Variants in KCNK10 observed in about 807,000 individuals in gnomAD.
KCNK10 encodes the protein potassium channel subfamily K member 10.
Under a neutral mutation model 47.7 loss-of-function variants are expected in KCNK10, and 25 were observed. The observed-to-expected ratio is 0.52, with a 90% CI of 0.38 to 0.73. The LOEUF (loss-of-function observed/expected upper bound fraction) is 0.73, where lower values mean the gene tolerates loss of function less well. KCNK10 is among the 30% of genes least tolerant of loss of function. The probability of loss-of-function intolerance (pLI) is 0.00; values close to 1 mark genes in which losing one functional copy is unlikely to be tolerated. For synonymous variants in KCNK10, 303 were observed against 285.6 expected, an observed-to-expected ratio of 1.06 and a Z score of -0.61; for missense variants, 563 against 714.5, an observed-to-expected ratio of 0.79 and a Z score of 2.42.
At chr14:88,269,735 C>T (rs1169166659) in intron 1 of KCNK10, among the ~76,000 whole-genome samples, 5 of 152,152 alleles carry the variant, frequency 3.3e-5, no homozygotes, top group African/African-American at 1.2e-4. Flanking sequence ...CTGCACCCAG[C>T]CAGTGAACCT....
At position 88,185,730 on chromosome 14, in the gene KCNK10, C is replaced by T. The variant is rs1320227304; in HGVS notation, c.1437G>A (p.Lys479=). 6.2e-7 allele frequency: 1 copy of T among 1,614,016 alleles called. No homozygotes were observed. The highest frequency in any genetic ancestry group is 8.5e-7 in the Non-Finnish European group (1 of 1,180,040). The change falls in exon 7 of 7, where the codon AAG becomes AAA. Residue 479 remains lysine (K), a synonymous_variant. Transcript: ENST00000319231. This position sits in a 1 kb window ranked among gnomAD's most constrained non-coding sequence, Gnocchi z 4.3. ...TLPEDVQKIY[K]TFRNYSLDEE... ...CGTCCAGGGAGTAATTCCGGAAGGT[C>T]TTGTAGATTTTCTGAACGTCCTCGG...
intron 3 of KCNK10, among the ~76,000 whole-genome samples, chr14:88,230,346 A>G (rs7147066): frequency 0.2 from 31,066 of 152,132 alleles, 4,192 homozygotes; most frequent in Non-Finnish European, 0.3. Context: ...CCAACTCCAC[A>G]AGGGCAAACA....
chr14:88,259,306 A>G (rs1887044212), intron 2 of KCNK10, among the ~76,000 whole-genome samples: 2 of 152,360 alleles, frequency 1.3e-5, no homozygotes, highest in Non-Finnish European at 2.9e-5. Flanking sequence ...AACCTGCTTA[A>G]CTTATATTGT....
chr14:88,298,323 TA>T (rs1381825291), intron 1 of KCNK10, among the ~76,000 whole-genome samples: 1 of 152,184 alleles, frequency 6.6e-6, no homozygotes, highest in Non-Finnish European at 1.5e-5. Context: ...TGAGTATACT[TA>T]AAGACAAAAA....
Position 88,263,527 on chromosome 14 carries a change from A to T in KCNK10, c.77T>A (p.Val26Glu), listed in dbSNP as rs771990329. 1.2e-6 allele frequency: 2 copies of T among 1,612,328 alleles called. No individual in the cohort carries two copies. The highest frequency in any genetic ancestry group is 1.7e-6 in the Non-Finnish European group (2 of 1,179,876). The change falls in exon 2 of 7, where the codon GTG becomes GAG. Residue 26 changes from valine (V) to glutamate (E), a missense_variant. Transcript: ENST00000319231. ...PKVAVPAAAP[V>E]CQPKSATNGQ... ...GTTAGTGGCGCTCTTGGGCTGGCAC[A>T]CCGGTGCTGCTGCGGGAACGGCCAC...
intron 4 of KCNK10, among the ~76,000 whole-genome samples, chr14:88,199,449 A>G (rs1404838879): frequency 6.6e-6 from 1 of 152,162 alleles, no homozygotes; most frequent in African/African-American, 2.4e-5. Context: ...GTGGATTGGG[A>G]CAGCCATTAA....
At chr14:88,254,100 G>A (rs913416576) in intron 2 of KCNK10, among the ~76,000 whole-genome samples, 2 of 152,072 alleles carry the variant, frequency 1.3e-5, no homozygotes, top group Admixed American at 6.6e-5. Context: ...TGAAGGCCCC[G>A]GGACTTTCTT....
Position 88,269,624 on chromosome 14 carries a change from A to G in KCNK10, c.53-6073T>C, listed in dbSNP as rs575971089. ...ACTAATTTTTTAATATTTTGTAGCG[A>G]TGGGGTCTCACTACATTGTCCAGGC... On this transcript the variant is annotated intron_variant, in intron 1 of 6. Transcript: ENST00000319231. Among the ~76,000 whole-genome samples the G allele has an allele frequency of 5.3e-5, 8 of 152,246 alleles. No individual in the cohort carries two copies. The South Asian group carries it at 8.3e-4, about 16-fold the overall frequency.
At chr14:88,264,761 A>G (rs193180687) in intron 1 of KCNK10, among the ~76,000 whole-genome samples, 5 of 152,370 alleles carry the variant, frequency 3.3e-5, no homozygotes, top group Admixed American at 2.0e-4. Flanking sequence ...GATTTACACA[A>G]ACGCAAAATT....
At chr14:88,268,351 C>A (rs988552501) in intron 1 of KCNK10, among the ~76,000 whole-genome samples, 2 of 152,192 alleles carry the variant, frequency 1.3e-5, no homozygotes, top group African/African-American at 2.4e-5. Flanking sequence ...GCAGCCAGGG[C>A]CCTGATCACC....
intron 3 of KCNK10, chr14:88,235,219 C>T (rs1566696329): frequency 8.8e-6 from 4 of 456,678 alleles, no homozygotes; most frequent in Non-Finnish European, 1.8e-5. Flanking sequence ...CCCTGCTCTC[C>T]TCTCCCCAAC....
At chr14:88,294,686 A>G (rs1361846163) in intron 1 of KCNK10, among the ~76,000 whole-genome samples, 1 of 152,206 alleles carries the variant, frequency 6.6e-6, no homozygotes, top group Non-Finnish European at 1.5e-5. Context: ...GGACCACAAG[A>G]GATTCTGGCT....
intron 4 of KCNK10, among the ~76,000 whole-genome samples, chr14:88,209,419 C>T (rs1457343898): frequency 2.0e-5 from 3 of 152,158 alleles, no homozygotes; most frequent in African/African-American, 4.8e-5. Flanking sequence ...GAAGTGTGGC[C>T]GACGACGAAG....
intron 1 of KCNK10, among the ~76,000 whole-genome samples, chr14:88,282,240 T>G (rs1887666969): frequency 6.6e-6 from 1 of 152,208 alleles, no homozygotes. Flanking sequence ...CCAGAGGTTG[T>G]AAATAACTTG....
At position 88,180,702 on chromosome 14, in the gene KCNK10, A is replaced by T. The variant is rs1158062252; in HGVS notation, c.*4833T>A. Reference sequence around the variant, plus strand: ...CAGAGACACCTCTCATTTCTCCTCAATGCCACTGCACTGATGTCAACTGAC... The same window carrying T: ...CAGAGACACCTCTCATTTCTCCTCATTGCCACTGCACTGATGTCAACTGAC... On this transcript the variant is annotated 3_prime_UTR_variant, in exon 7 of 7. Transcript: ENST00000319231. 2 of 398,466 alleles carry T rather than the reference A, an allele frequency of 5.0e-6. No individual in the cohort carries two copies. The highest frequency in any genetic ancestry group is 4.1e-5 in the African/African-American group (2 of 48,622). The allele number at this position is 398,466 out of a possible 1,614,324, so 24.7% of individuals were successfully genotyped here.
intron 1 of KCNK10, among the ~76,000 whole-genome samples, chr14:88,309,483 T>C (rs1251120744): frequency 6.6e-6 from 1 of 152,090 alleles, no homozygotes; most frequent in African/African-American, 2.4e-5. Context: ...ATGCCTATAG[T>C]CCCAGCTACT....
intron 3 of KCNK10, among the ~76,000 whole-genome samples, chr14:88,230,383 C>T (rs1006406703): frequency 6.6e-6 from 1 of 152,200 alleles, no homozygotes; most frequent in Non-Finnish European, 1.5e-5. Context: ...AATGAACGCA[C>T]AGCACCAGGA....
intron 4 of KCNK10, among the ~76,000 whole-genome samples, chr14:88,215,395 G>T (rs2029874497): frequency 6.6e-6 from 1 of 152,056 alleles, no homozygotes; most frequent in Non-Finnish European, 1.5e-5. Context: ...AAACCATCAG[G>T]TCTCATGAGA....
intron 4 of KCNK10, among the ~76,000 whole-genome samples, chr14:88,200,829 T>G (rs1388948033): frequency 1.3e-5 from 2 of 152,144 alleles, no homozygotes; most frequent in African/African-American, 2.4e-5. Context: ...GAGACAAGCA[T>G]TAAACAGTCA....
Sources: gnomAD v4.1 joint callset for allele counts (sites outside exome capture counted in the v4.1 genomes callset) on GRCh38, gnomAD v4.1.1 for gene constraint, Gnocchi (gnomAD v3.1) non-coding constraint, MANE v1.5 for transcripts, NCBI Gene and HGNC (gene_info 2026-07-23, HGNC 2026-07-21) for gene names.